CLSTN1: variants seen among roughly 807,000 people sequenced by gnomAD.
CLSTN1 encodes the protein calsyntenin 1.
A neutral mutation model predicts 108.3 loss-of-function variants in CLSTN1; 28 were observed. The ratio of observed to expected loss-of-function variants is 0.26; its 90% CI spans 0.19 to 0.35. CLSTN1 has a LOEUF of 0.35. CLSTN1 is among the 10% of genes least tolerant of loss of function. The pLI, the probability that CLSTN1 is intolerant of heterozygous loss-of-function variation, is 1.00. For synonymous variants in CLSTN1, 524 were observed against 534.9 expected (o/e 0.98, Z 0.28); for missense variants, 1,157 against 1,302.6 (o/e 0.89, Z 1.72).
chr1:9,738,673 G>C (rs1415142958), intron 10 of CLSTN1, among the ~76,000 whole-genome samples: 1 of 152,208 alleles, frequency 6.6e-6, no homozygotes, highest in African/African-American at 2.4e-5. Flanking sequence ...TGTTTGTTTT[G>C]AGATAGAGTC....
At chr1:9,794,446 T>G (rs1653901520) in intron 1 of CLSTN1, among the ~76,000 whole-genome samples, 1 of 151,436 alleles carries the variant, frequency 6.6e-6, no homozygotes, top group African/African-American at 2.4e-5. Context: ...GTAGCTGAGA[T>G]CACAGGCGTG....
chr1:9,821,385 G>A (rs1012357497), intron 1 of CLSTN1, among the ~76,000 whole-genome samples: 12 of 152,114 alleles, frequency 7.9e-5, no homozygotes, highest in African/African-American at 2.2e-4. Flanking sequence ...CGCTGGCCTC[G>A]GCCTCCCAAA....
At chr1:9,790,048 A>G (rs1653690903) in intron 1 of CLSTN1, among the ~76,000 whole-genome samples, 1 of 151,538 alleles carries the variant, frequency 6.6e-6, no homozygotes, top group Non-Finnish European at 1.5e-5. Flanking sequence ...CAATTATTTA[A>G]TATCATCAAA....
chr1:9,738,554 C>T (rs1422152248), intron 10 of CLSTN1, among the ~76,000 whole-genome samples: 1 of 152,186 alleles, frequency 6.6e-6, no homozygotes, highest in African/African-American at 2.4e-5. Context: ...ACAGCCCAAG[C>T]TCTCCACGGC....
chr1:9,813,562 CCA>C (rs545776263), intron 1 of CLSTN1, among the ~76,000 whole-genome samples: 23 of 152,032 alleles, frequency 1.5e-4, no homozygotes, highest in Middle Eastern at 3.4e-3. Flanking sequence ...ACAAGGGGCC[CCA>C]CAGTTTGTTT....
At chr1:9,798,808 C>A (rs566702821) in intron 1 of CLSTN1, among the ~76,000 whole-genome samples, 1 of 152,148 alleles carries the variant, frequency 6.6e-6, no homozygotes, top group South Asian at 2.1e-4. Context: ...AGTAAAAAAG[C>A]CAAAGAAACT....
At chr1:9,813,579 T>C (rs1654856502) in intron 1 of CLSTN1, among the ~76,000 whole-genome samples, 2 of 152,168 alleles carry the variant, frequency 1.3e-5, no homozygotes, top group African/African-American at 2.4e-5. Context: ...TTGTTTTGCA[T>C]TGGCCCCTTG....
chr1:9,752,243 G>C lies in CLSTN1; in HGVS notation c.441-562C>G, dbSNP rs183156838. 5.9e-5 allele frequency among the ~76,000 whole-genome samples: 9 copies of C among 152,286 alleles called. No homozygotes were observed. In the East Asian group the frequency reaches 1.5e-3, roughly 26 times the overall value. ...CAAATGGAAGAGTTCAGGAGAGGCA[G>C]GCCGTTGCCACCTGCCAATACCCCA... On this transcript the variant is annotated intron_variant, in intron 4 of 18. Coordinates refer to ENST00000377298, the MANE Select transcript of CLSTN1 (RefSeq NM_001009566.3).
chr1:9,787,221 C>T (rs1653538527), intron 1 of CLSTN1, among the ~76,000 whole-genome samples: 1 of 151,098 alleles, frequency 6.6e-6, no homozygotes, highest in Admixed American at 6.8e-5. Flanking sequence ...ATCCATCCAT[C>T]CGTCTTTCTC....
chr1:9,750,715 C>CAAAAAAAA (rs775430059), intron 5 of CLSTN1, among the ~76,000 whole-genome samples: 5,139 of 76,722 alleles, frequency 0.067, 603 homozygotes, highest in African/African-American at 0.2. Flanking sequence ...TTCCCTCAAA[C>CAAAAAAAA]AAAAAAAAAA....
At chr1:9,821,895 T>A (rs913290057) in intron 1 of CLSTN1, among the ~76,000 whole-genome samples, 4 of 152,204 alleles carry the variant, frequency 2.6e-5, no homozygotes, top group African/African-American at 9.7e-5. Context: ...AAATTACAAA[T>A]GACTCAACTA....
intron 1 of CLSTN1, among the ~76,000 whole-genome samples, chr1:9,783,034 AC>A (rs1432566425): frequency 1.3e-5 from 2 of 151,902 alleles, no homozygotes; most frequent in Non-Finnish European, 2.9e-5. Flanking sequence ...GAGAGGCTGG[AC>A]CCATGCCTAA....
intron 1 of CLSTN1, among the ~76,000 whole-genome samples, chr1:9,811,134 C>T (rs543295032): frequency 6.6e-6 from 1 of 152,204 alleles, no homozygotes; most frequent in Admixed American, 6.5e-5. Flanking sequence ...TATTAATGGC[C>T]TAAAACATTA....
At chr1:9,801,567 T>C (rs1409008615) in intron 1 of CLSTN1, among the ~76,000 whole-genome samples, 2 of 152,168 alleles carry the variant, frequency 1.3e-5, no homozygotes, top group Non-Finnish European at 1.5e-5. Context: ...TCGTTTGTTT[T>C]TGTTGAGACA....
At chr1:9,740,778 T>G (rs1650939257) in intron 10 of CLSTN1, among the ~76,000 whole-genome samples, 1 of 152,208 alleles carries the variant, frequency 6.6e-6, no homozygotes. Flanking sequence ...TGTGAACCTT[T>G]CAATAAACGG....
chr1:9,823,395 C>T lies in CLSTN1; in HGVS notation c.91+248G>A, dbSNP rs940085864. ...GGGACGGAGCCTGGCTTCCCCGGGACGCCTGCAGCGCGCGCCCACAGTCTC... is the reference window on the plus strand; with the variant it reads ...GGGACGGAGCCTGGCTTCCCCGGGATGCCTGCAGCGCGCGCCCACAGTCTC... On this transcript the variant is annotated intron_variant, in intron 1 of 18. Coordinates refer to ENST00000377298, the MANE Select transcript of CLSTN1 (RefSeq NM_001009566.3). This position sits in a 1 kb window ranked among gnomAD's most constrained non-coding sequence, Gnocchi z 6.3. Among the ~76,000 whole-genome samples, 3 of 152,260 alleles carry T rather than the reference C, an allele frequency of 2.0e-5. No homozygotes were observed. The highest frequency in any genetic ancestry group is 2.0e-4 in the Admixed American group (3 of 15,304).
chr1:9,759,262 C>A (rs534864453), intron 2 of CLSTN1, among the ~76,000 whole-genome samples: 13 of 152,298 alleles, frequency 8.5e-5, no homozygotes, highest in African/African-American at 2.6e-4. Context: ...ATTTCAAATA[C>A]AAATACAGTT....
rs575470456 is a variant in CLSTN1 at position 9,736,163 on chromosome 1, C to T, written c.1577-121G>A. The T allele has an allele frequency of 2.8e-4, 326 of 1,160,762 alleles. 5 individuals are homozygous for T. The South Asian group carries it at 4.1e-3, about 14-fold the overall frequency. The allele number at this position is 1,160,762 out of a possible 1,614,324, so 71.9% of individuals were successfully genotyped here. On this transcript the variant is annotated intron_variant, in intron 11 of 18. Transcript: ENST00000377298. ...CAGTGGATGGACATGCGGGTTAGTT[C>T]ATACCAAGTCCTGTTAGCCTTGCAA...
intron 1 of CLSTN1, among the ~76,000 whole-genome samples, chr1:9,811,365 G>T (rs1214873377): frequency 6.6e-6 from 1 of 152,194 alleles, no homozygotes. Flanking sequence ...AGGTAAACAA[G>T]AGGCGGCTCT....
Sources: allele counts gnomAD v4.1 joint callset (sites outside exome capture counted in the v4.1 genomes callset), GRCh38; gene constraint gnomAD v4.1.1; non-coding constraint Gnocchi (gnomAD v3.1); transcripts MANE v1.5; gene names NCBI Gene and HGNC (gene_info 2026-07-23, HGNC 2026-07-21).